The following ASAP2 variants were observed in gnomAD, a reference collection of about 807,000 sequenced individuals.
The protein encoded by ASAP2 is ArfGAP with SH3 domain, ankyrin repeat and PH domain 2.
ASAP2 carries 45 observed loss-of-function variants against 131.4 expected under a neutral mutation model. That is an observed-to-expected ratio of 0.34 (90% CI 0.27 to 0.44). The LOEUF is 0.44. Among genes scored for constraint, ASAP2 ranks in the 20% least tolerant of loss-of-function variants. The pLI is 1.00. For synonymous variants in ASAP2, 510 were observed against 503.0 expected, an observed-to-expected ratio of 1.01 and a Z score of -0.19; for missense variants, 1,011 against 1,297.0, an observed-to-expected ratio of 0.78 and a Z score of 3.39.
chr2:9,396,411 C>T (rs963292008), intron 24 of ASAP2, among the ~76,000 whole-genome samples: 7 of 151,958 alleles, frequency 4.6e-5, no homozygotes, highest in African/African-American at 1.7e-4. Flanking sequence ...ATAGCTGGGA[C>T]CACAGGCACG....
intron 1 of ASAP2, among the ~76,000 whole-genome samples, chr2:9,251,720 G>A (rs1281999163): frequency 6.6e-6 from 1 of 151,960 alleles, no homozygotes; most frequent in Non-Finnish European, 1.5e-5. Flanking sequence ...AGGAAGTGGA[G>A]TGGCTGGAGG....
chr2:9,299,411 G>A (rs1272950846), intron 3 of ASAP2, among the ~76,000 whole-genome samples: 1 of 152,156 alleles, frequency 6.6e-6, no homozygotes, highest in Non-Finnish European at 1.5e-5. Flanking sequence ...AATCAAAGAC[G>A]AGAGTAGAAT....
chr2:9,375,032 A>T, intron 17 of ASAP2, 88 bp downstream of exon 17: 2 of 1,149,500 alleles, frequency 1.7e-6, no homozygotes, highest in Non-Finnish European at 2.3e-6. Flanking sequence ...TTACTTCAGG[A>T]GGCCAAGGCG....
chr2:9,222,721 A>C (rs1404675984), intron 1 of ASAP2, among the ~76,000 whole-genome samples: 1 of 152,136 alleles, frequency 6.6e-6, no homozygotes, highest in Non-Finnish European at 1.5e-5. Context: ...GATTTGGAAG[A>C]GGTGCCGGTG....
intron 3 of ASAP2, among the ~76,000 whole-genome samples, chr2:9,315,440 C>A (rs192145579): frequency 1.3e-5 from 2 of 152,256 alleles, no homozygotes; most frequent in East Asian, 3.9e-4. Flanking sequence ...TGTTGAGAAG[C>A]GTGCCGCACG....
At chr2:9,379,997 A>T (rs553263621) in intron 19 of ASAP2, among the ~76,000 whole-genome samples, 1 of 149,780 alleles carries the variant, frequency 6.7e-6, no homozygotes, top group Non-Finnish European at 1.5e-5. Flanking sequence ...TCTCAAAAAA[A>T]AAAAAATAAA....
intron 1 of ASAP2, among the ~76,000 whole-genome samples, chr2:9,208,500 A>G: frequency 6.6e-6 from 1 of 151,224 alleles, no homozygotes; most frequent in East Asian, 1.9e-4. Context: ...TAATGGAAAA[A>G]TTTTTTCTTT....
chr2:9,396,222 G>T (rs1311321515), intron 24 of ASAP2, among the ~76,000 whole-genome samples: 1 of 152,146 alleles, frequency 6.6e-6, no homozygotes, highest in African/African-American at 2.4e-5. Context: ...CAGGACTACA[G>T]ATAGGAGCAT....
chr2:9,240,245 ATTT>A (rs34070129), intron 1 of ASAP2, among the ~76,000 whole-genome samples: 13 of 127,058 alleles, frequency 1.0e-4, no homozygotes, highest in South Asian at 2.6e-4. Flanking sequence ...TCCTCCCATA[ATTT>A]TTTTTTTTTT....
chr2:9,213,883 G>C (rs1041835833), intron 1 of ASAP2, among the ~76,000 whole-genome samples: 5 of 152,196 alleles, frequency 3.3e-5, no homozygotes, highest in African/African-American at 1.2e-4. Context: ...ACTGGTTATA[G>C]GACTTGTGTT....
intron 1 of ASAP2, among the ~76,000 whole-genome samples, chr2:9,269,254 G>GC (rs1417641900): frequency 6.6e-6 from 1 of 151,956 alleles, no homozygotes; most frequent in Non-Finnish European, 1.5e-5. Context: ...TTATTTTGCG[G>GC]GGGGGAGGGG....
chr2:9,321,238 C>A (rs923089053), intron 5 of ASAP2, among the ~76,000 whole-genome samples: 2 of 152,114 alleles, frequency 1.3e-5, no homozygotes, highest in Non-Finnish European at 2.9e-5. Context: ...CTCAGGATAT[C>A]TTTCCAGTGG....
chr2:9,391,064 C>A lies in ASAP2; in HGVS notation c.2386C>A (p.Gln796Lys). 1 of 1,614,224 alleles carries A rather than the reference C, an allele frequency of 6.2e-7. No individual in the cohort carries two copies. Residue 796 changes from glutamine to lysine, a missense_variant and splice_region_variant, in exon 23 of 28, where the codon CAG becomes AAG. Gln to Lys is a moderately conservative substitution (Grantham distance 53). Around this residue, in one of 2 missense-constraint regions of ASAP2, gnomAD observed 652 missense variants for 698.9 expected, o/e 0.93. Transcript: ENST00000281419. ...PLPPRNVGKVQTASSANTLWK... is the reference protein window; with the variant it reads ...PLPPRNVGKVKTASSANTLWK... ...TGTGTGCATGCGTGTGGGTTCAGTT[C>A]AGACAGCCTCCTCTGCTAACACCCT...
chr2:9,326,549 A>G lies in ASAP2; in HGVS notation c.601-1277A>G, dbSNP rs373372100. Reference sequence around the variant, plus strand: ...AATTGGTTAATATAAGAAAATATATATAAAAGGAATTAAAAATCGCCCCCA... The same window carrying G: ...AATTGGTTAATATAAGAAAATATATGTAAAAGGAATTAAAAATCGCCCCCA... On this transcript the variant is annotated intron_variant, in intron 6 of 27. Transcript: ENST00000281419. Among the ~76,000 whole-genome samples, 413 of 152,344 alleles carry G rather than the reference A, an allele frequency of 2.7e-3. 6 individuals are homozygous for G. The highest frequency in any genetic ancestry group is 0.01 in the Middle Eastern group (3 of 294).
intron 1 of ASAP2, chr2:9,271,537 A>G (rs1666395871): frequency 1.3e-6 from 2 of 1,546,250 alleles, no homozygotes; most frequent in African/African-American, 2.7e-5. Flanking sequence ...TCTTATATGG[A>G]TATAATCCTC....
rs1197652974 is a variant in ASAP2, at chr2:9,311,055, A to G, written c.346-7469A>G. Among the ~76,000 whole-genome samples, 1 of 151,920 alleles carries G rather than the reference A, an allele frequency of 6.6e-6. No individual in the cohort carries two copies. Among genetic ancestry groups the G allele is most frequent in the Non-Finnish European group, 1.5e-5 (1 of 68,002 alleles). On this transcript the variant is annotated intron_variant, in intron 3 of 27. Transcript: ENST00000281419. This position sits in a 1 kb window ranked among gnomAD's most constrained non-coding sequence, Gnocchi z 5.2. ...CCAAGTGAACTCGGGGGGAAAAGCT[A>G]AGACAGGAAGTAGGGGTGGGGAAAG...
intron 15 of ASAP2, among the ~76,000 whole-genome samples, chr2:9,361,974 C>CGTGTGTGT (rs70948815): frequency 0.085 from 12,147 of 143,152 alleles, 540 homozygotes; most frequent in African/African-American, 0.096. Flanking sequence ...TCTTTCTCTG[C>CGTGTGTGT]GTGTGTGTGT....
At chr2:9,371,136 C>T (rs1344598148) in intron 16 of ASAP2, among the ~76,000 whole-genome samples, 2 of 152,342 alleles carry the variant, frequency 1.3e-5, no homozygotes, top group East Asian at 3.9e-4. Flanking sequence ...CTGTAGCCCT[C>T]CTCCAGCCTT....
intron 2 of ASAP2, among the ~76,000 whole-genome samples, chr2:9,283,351 T>G (rs554991424): frequency 6.6e-6 from 1 of 152,366 alleles, no homozygotes; most frequent in African/African-American, 2.4e-5. Context: ...AATAGTTTCT[T>G]ATTGCTGTTG....
Sources: allele counts gnomAD v4.1 joint callset (sites outside exome capture counted in the v4.1 genomes callset), GRCh38; gene constraint gnomAD v4.1.1; regional missense constraint gnomAD v4.1.1; non-coding constraint Gnocchi (gnomAD v3.1); transcripts MANE v1.5; gene names NCBI Gene and HGNC (gene_info 2026-07-23, HGNC 2026-07-21).